Variants in CCNJ observed in about 807,000 individuals in gnomAD.
The protein encoded by CCNJ is cyclin-J.
In CCNJ, 12 loss-of-function variants were observed where a neutral mutation model predicts 41.4. That is an observed-to-expected ratio of 0.29 (90% CI 0.19 to 0.47). CCNJ has a LOEUF of 0.47. Ranked by LOEUF, CCNJ falls within the 20% of genes least tolerant of loss-of-function variation. The pLI is 1.00. For missense variants in CCNJ, 340 were observed against 464.6 expected, an observed-to-expected ratio of 0.73 and a Z score of 2.47; for synonymous variants, 161 against 173.4, an observed-to-expected ratio of 0.93 and a Z score of 0.56.
At chr10:96,050,656 T>C (rs944686396) in intron 3 of CCNJ, among the ~76,000 whole-genome samples, 190 bp downstream of exon 3, 1 of 152,234 alleles carries the variant, frequency 6.6e-6, no homozygotes, top group African/African-American at 2.4e-5. Context: ...CTTTGGAGCC[T>C]GTTAAAAACA....
intron 2 of CCNJ, among the ~76,000 whole-genome samples, chr10:96,047,832 C>T (rs1226760001): frequency 6.6e-6 from 1 of 152,116 alleles, no homozygotes; most frequent in Non-Finnish European, 1.5e-5. Flanking sequence ...AGGTTTGTTA[C>T]ATAGGTAAAC....
In CCNJ at chr10:96,049,475, CTTTT is replaced by C. The variant is rs1273299002; in HGVS notation, c.70-779_70-776del. Among the ~76,000 whole-genome samples, 274 of 112,660 alleles carry C rather than the reference CTTTT, an allele frequency of 2.4e-3. 1 individual carries two copies. Among genetic ancestry groups the C allele is most frequent in the Non-Finnish European group, 3.6e-3 (205 of 56,178 alleles). 73.9% of individuals were successfully genotyped at this position (112,660 alleles called of 152,430 possible). A position where few individuals can be genotyped will look rare whatever the true frequency, so the allele number is the denominator to read the frequency against. ...AAAGTCCCATTTCTCTTTTCTTTTTCTTTTTCTTTTTTTTTTTTTTTTTTGCAGG... is the reference window on the plus strand; with the variant it reads ...AAAGTCCCATTTCTCTTTTCTTTTTCTCTTTTTTTTTTTTTTTTTTGCAGG... On this transcript the variant is annotated intron_variant, in intron 2 of 5. Transcript: ENST00000465148.
At chr10:96,045,733 T>C (rs1482284453) in intron 2 of CCNJ, among the ~76,000 whole-genome samples, 2 of 152,168 alleles carry the variant, frequency 1.3e-5, no homozygotes, top group East Asian at 3.8e-4. Context: ...TTTTCTTTTT[T>C]AAAAAAATTA....
At chr10:96,054,126 G>A (rs961620016) in intron 3 of CCNJ, among the ~76,000 whole-genome samples, 6 of 152,162 alleles carry the variant, frequency 3.9e-5, no homozygotes, top group South Asian at 4.1e-4. Context: ...AGACAACCCA[G>A]TGTTTTTGTT....
chr10:96,049,215 T>G (rs1318554785), intron 2 of CCNJ, among the ~76,000 whole-genome samples: 1 of 152,214 alleles, frequency 6.6e-6, no homozygotes. Context: ...TTTTCATGTT[T>G]TATGATATTT....
chr10:96,052,943 A>G (rs968212332), intron 3 of CCNJ, among the ~76,000 whole-genome samples: 15 of 152,230 alleles, frequency 9.9e-5, no homozygotes, highest in Non-Finnish European at 1.3e-4. Flanking sequence ...TGAAGAGGTT[A>G]GCCCTTAGTA....
intron 3 of CCNJ, among the ~76,000 whole-genome samples, chr10:96,053,122 A>C (rs1436291340): frequency 6.6e-6 from 1 of 152,194 alleles, no homozygotes; most frequent in Non-Finnish European, 1.5e-5. Flanking sequence ...AAGATGGAGC[A>C]TACCTTGTAA....
intron 2 of CCNJ, among the ~76,000 whole-genome samples, chr10:96,046,068 T>C (rs2080354604): frequency 6.6e-6 from 1 of 152,230 alleles, no homozygotes; most frequent in South Asian, 2.1e-4. Flanking sequence ...AGTTTGGACA[T>C]GGGTTCTTTG....
Position 96,058,364 on chromosome 10 carries a change from G to T in CCNJ, c.*123G>T. On this transcript the variant is annotated 3_prime_UTR_variant, in exon 6 of 6. Coordinates refer to ENST00000465148, the MANE Select transcript of CCNJ (RefSeq NM_001134375.2). ...TGACATCAGAACTCTTCAGGTACCA[G>T]CACCAGGAAGACTGAATATCCTTTT... is the stretch of plus-strand genomic sequence containing the variant. The T allele has an allele frequency of 1.4e-6, 1 of 733,188 alleles. No homozygotes were observed. Among genetic ancestry groups the T allele is most frequent in the Non-Finnish European group, 2.3e-6 (1 of 444,354 alleles). 45.4% of individuals were successfully genotyped at this position (733,188 alleles called of 1,614,324 possible).
chr10:96,050,173 A>G (rs186430749), intron 2 of CCNJ, 83 bp from the exon 3 acceptor site: 5 of 922,824 alleles, frequency 5.4e-6, no homozygotes, highest in Non-Finnish European at 8.9e-6. Context: ...ATACTAATAT[A>G]TTGGAAAAAC....
rs1377330201 is a variant in CCNJ, at chr10:96,058,472, G to C, written c.*231G>C. 3 of 513,236 alleles carry C rather than the reference G, an allele frequency of 5.8e-6. No individual in the cohort carries two copies. Among genetic ancestry groups the C allele is most frequent in the Non-Finnish European group, 1.0e-5 (3 of 290,602 alleles). 31.8% of individuals were successfully genotyped at this position (513,236 alleles called of 1,614,324 possible). A position where few individuals can be genotyped will look rare whatever the true frequency, so the allele number is the denominator to read the frequency against. On this transcript the variant is annotated 3_prime_UTR_variant, in exon 6 of 6. Coordinates refer to ENST00000465148, the MANE Select transcript of CCNJ (RefSeq NM_001134375.2). ...CAACAAATCCCTGTATGACAAAAAT[G>C]TTCAAGTCCTGGCTGATGGTCCAAA...
intron 1 of CCNJ, 65 bp from the exon 2 acceptor site, chr10:96,044,288 C>CGGGGAGGGG: frequency 2.2e-6 from 2 of 896,520 alleles, no homozygotes; most frequent in Non-Finnish European, 3.1e-6. Flanking sequence ...TCACACCCCC[C>CGGGGAGGGG]GGGGAGGGGG....
Position 96,058,194 on chromosome 10 carries a change from C to T in CCNJ, c.1105C>T (p.Gln369Ter). 1 of 1,614,068 alleles carries T rather than the reference C, an allele frequency of 6.2e-7. No homozygotes were observed. The highest frequency in any genetic ancestry group is 1.1e-5 in the South Asian group (1 of 91,074). Residue 369 changes from glutamine (Q) to a stop codon, truncating the protein, a stop_gained, in exon 6 of 6, where the codon CAG (glutamine) becomes TAG (stop). Coordinates refer to ENST00000465148, the MANE Select transcript of CCNJ (RefSeq NM_001134375.2). LOFTEE classifies it high-confidence loss of function. ...CLSVSYNRSY[Q>*]INEHYPCITP... Reference sequence around the variant, plus strand: ...GAGTGTTTCTTACAACCGGAGTTATCAGATAAATGAACATTACCCTTGTAT... The same window carrying T: ...GAGTGTTTCTTACAACCGGAGTTATTAGATAAATGAACATTACCCTTGTAT...
rs1452419369 is a variant in CCNJ at position 96,060,076 on chromosome 10, G to A, written c.*1835G>A. The A allele has an allele frequency of 3.3e-5, 5 of 152,710 alleles. No individual in the cohort carries two copies. In the South Asian group the frequency reaches 8.3e-4, roughly 25 times the overall value. 9.5% of individuals were successfully genotyped at this position (152,710 alleles called of 1,614,324 possible). ...TCATCACTTTTCCTTTTTAAAGAAG[G>A]CTGCTAATTGGATTTTGGTAGTTCT... On this transcript the variant is annotated 3_prime_UTR_variant, in exon 6 of 6. Coordinates refer to ENST00000465148, the MANE Select transcript of CCNJ (RefSeq NM_001134375.2).
At chr10:96,049,390 G>A (rs538792623) in intron 2 of CCNJ, among the ~76,000 whole-genome samples, 13 of 151,770 alleles carry the variant, frequency 8.6e-5, no homozygotes, top group South Asian at 2.1e-4. Context: ...TCCATTCTGC[G>A]GGTTGCCCTT....
chr10:96,050,344 G>A lies in CCNJ; in HGVS notation c.158G>A (p.Arg53His), dbSNP rs1441815922. ...FADLIAIVSN[R>H]FTLCPSARHL... is the part of the protein sequence containing the mutation. Reference sequence around the variant, plus strand: ...GACTTGATTGCCATTGTGAGCAATCGCTTCACACTCTGCCCTTCTGCCCGC... The same window carrying A: ...GACTTGATTGCCATTGTGAGCAATCACTTCACACTCTGCCCTTCTGCCCGC... The change falls in exon 3 of 6, where the codon CGC becomes CAC. Residue 53 changes from arginine to histidine, a missense_variant. Around this residue, in one of 3 missense-constraint regions of CCNJ, gnomAD observed 137 missense variants for 252.9 expected, o/e 0.54. Transcript: ENST00000465148. The A allele has an allele frequency of 3.7e-6, 6 of 1,613,744 alleles. No homozygotes were observed. The East Asian group carries it at 6.7e-5, about 18-fold the overall frequency.
rs971669672 is a variant in CCNJ at position 96,043,663 on chromosome 10, G to A, written c.-98G>A. On this transcript the variant is annotated 5_prime_UTR_variant, in exon 1 of 6. Coordinates refer to ENST00000465148, the MANE Select transcript of CCNJ (RefSeq NM_001134375.2). The stretch of plus-strand genomic sequence containing the variant: ...GCGGCCCACTGTCCGCAGCATGAGC[G>A]GGGCCGGCGTCCGCCGCACGACGGC... The A allele has an allele frequency of 1.3e-5, 5 of 394,496 alleles. No individual in the cohort carries two copies. The allele number at this position is 394,496 out of a possible 1,614,324, so 24.4% of individuals were successfully genotyped here. A position where few individuals can be genotyped will look rare whatever the true frequency, so the allele number is the denominator to read the frequency against.
chr10:96,043,468 C>T (rs1241417873), upstream of CCNJ: 14 of 385,344 alleles, frequency 3.6e-5, no homozygotes, highest in Non-Finnish European at 6.4e-5. Context: ...CCCGGCCCGG[C>T]CGCCAATTGG....
rs1317231979 is a variant in CCNJ, at chr10:96,058,030, T to C, written c.941T>C (p.Ile314Thr). Residue 314 changes from isoleucine (I) to threonine (T), a missense_variant, in exon 6 of 6, where the codon ATT (isoleucine) becomes ACT (threonine). Transcript: ENST00000465148. ...PTSEQPSCQQ[I>T]VSTTHTSSYT... The stretch of plus-strand genomic sequence containing the variant: ...TCAGAACAACCAAGCTGTCAGCAGA[T>C]TGTATCGACCACACACACCTCATCT... 3 of 1,614,122 alleles carry C rather than the reference T, an allele frequency of 1.9e-6. No homozygotes were observed. Among genetic ancestry groups the C allele is most frequent in the South Asian group, 2.2e-5 (2 of 91,084 alleles).
Sources: gnomAD v4.1 joint callset for allele counts (sites outside exome capture counted in the v4.1 genomes callset) on GRCh38, gnomAD v4.1.1 for gene constraint, gnomAD v4.1.1 regional missense constraint, MANE v1.5 for transcripts, NCBI Gene and HGNC (gene_info 2026-07-23, HGNC 2026-07-21) for gene names.